PPP5C: variants seen among roughly 807,000 people sequenced by gnomAD.
The protein encoded by PPP5C is protein phosphatase 5 catalytic subunit.
PPP5C carries 21 observed loss-of-function variants against 66.7 expected under a neutral mutation model. The ratio of observed to expected loss-of-function variants is 0.31; its 90% CI spans 0.22 to 0.45. PPP5C has a LOEUF of 0.45. PPP5C is among the 20% of genes least tolerant of loss of function. The probability of loss-of-function intolerance (pLI) is 1.00; values close to 1 mark genes in which losing one functional copy is unlikely to be tolerated. For missense variants in PPP5C, 464 were observed against 675.9 expected (o/e 0.69, Z 3.48); for synonymous variants, 246 against 257.4 (o/e 0.96, Z 0.43).
intron 2 of PPP5C, among the ~76,000 whole-genome samples, chr19:46,356,324 T>C (rs1480663503): frequency 6.6e-6 from 1 of 152,246 alleles, no homozygotes; most frequent in African/African-American, 2.4e-5. Context: ...CCTTGCTCCT[T>C]TCTGCGCAGT....
chr19:46,389,983 T>C, intron 11 of PPP5C, 68 bp from the exon 12 acceptor site: 4 of 1,451,470 alleles, frequency 2.8e-6, no homozygotes, highest in Non-Finnish European at 1.9e-6. Flanking sequence ...GCCCAGCCAT[T>C]CCTTCTCTTA....
At chr19:46,368,096 A>T (rs1601425962) in intron 2 of PPP5C, among the ~76,000 whole-genome samples, 1 of 152,322 alleles carries the variant, frequency 6.6e-6, no homozygotes, top group East Asian at 1.9e-4. Flanking sequence ...GAAAATTGTA[A>T]ATCAAAACAG....
chr19:46,388,669 C>T lies in PPP5C; in HGVS notation c.1293C>T (p.Ala431=), dbSNP rs371738120. 10 of 1,614,152 alleles carry T rather than the reference C, an allele frequency of 6.2e-6. No individual in the cohort carries two copies. The highest frequency in any genetic ancestry group is 1.3e-5 in the African/African-American group (1 of 75,036). ...DYIIRSHEVK[A]EGYEVAHGGR... ...TCATCCGCAGCCACGAAGTCAAGGC[C>T]GAGGGCTACGAGGTGGCTCACGGAG... Residue 431 remains alanine, a synonymous_variant, in exon 11 of 13, where the codon GCC becomes GCT. Transcript: ENST00000012443. The surrounding 1 kb of genome is among the most constrained non-coding windows in gnomAD (Gnocchi z 4.9).
At chr19:46,350,012 TGGGGTGGGGTGGCGGTGG>T (rs1972154843) in intron 1 of PPP5C, among the ~76,000 whole-genome samples, 1 of 31,630 alleles carries the variant, frequency 3.2e-5, no homozygotes, top group South Asian at 1.0e-3. Context: ...CAGGGCTTTC[TGGGGTGGGGTGGCGGTGG>T]GGGGTGGGGC....
At chr19:46,385,253 G>C (rs1972861909) in intron 7 of PPP5C, among the ~76,000 whole-genome samples, 1 of 152,196 alleles carries the variant, frequency 6.6e-6, no homozygotes, top group Non-Finnish European at 1.5e-5. Flanking sequence ...TGAGTGAACA[G>C]ACCAGGGCTC....
At chr19:46,371,404 G>A (rs1245070811) in intron 2 of PPP5C, among the ~76,000 whole-genome samples, 1 of 152,190 alleles carries the variant, frequency 6.6e-6, no homozygotes, top group Non-Finnish European at 1.5e-5. Flanking sequence ...CCAGGGCCCA[G>A]GGTGTGACCT....
intron 2 of PPP5C, among the ~76,000 whole-genome samples, chr19:46,358,182 T>A (rs1276053189): frequency 6.6e-6 from 1 of 152,216 alleles, no homozygotes; most frequent in African/African-American, 2.4e-5. Flanking sequence ...ATAGTACCAC[T>A]GGCCACCCGT....
chr19:46,363,307 CAAAAAAAAAAAA>C (rs1158423038), intron 2 of PPP5C, among the ~76,000 whole-genome samples: 18 of 27,928 alleles, frequency 6.4e-4, no homozygotes, highest in African/African-American at 2.4e-3. Context: ...GACTCCATCT[CAAAAAAAAAAAA>C]AAAAAAAAAA....
At chr19:46,378,045 C>T (rs1294166342) in intron 4 of PPP5C, among the ~76,000 whole-genome samples, 1 of 152,184 alleles carries the variant, frequency 6.6e-6, no homozygotes, top group Non-Finnish European at 1.5e-5. Context: ...ATTCTCTATG[C>T]ATGCTTGAGG....
chr19:46,383,716 C>T lies in PPP5C; in HGVS notation c.700-64C>T. 7.4e-7 allele frequency: 1 copy of T among 1,352,970 alleles called. No individual in the cohort carries two copies. 83.8% of individuals were successfully genotyped at this position (1,352,970 alleles called of 1,614,324 possible). On this transcript the variant is annotated intron_variant, in intron 5 of 12. Coordinates refer to ENST00000012443, the MANE Select transcript of PPP5C (RefSeq NM_006247.4). The surrounding 1 kb of genome is among the most constrained non-coding windows in gnomAD (Gnocchi z 5.0). ...CTGTGAACTCTTACCCTTCCCCTCA[C>T]CTCTGCCCCCTCCCCACGTCTCTCT...
chr19:46,383,136 T>G lies in PPP5C; in HGVS notation c.634-275T>G. 7.2e-7 allele frequency: 1 copy of G among 1,383,162 alleles called. No homozygotes were observed. The highest frequency in any genetic ancestry group is 9.5e-7 in the Non-Finnish European group (1 of 1,054,022). 85.7% of individuals were successfully genotyped at this position (1,383,162 alleles called of 1,614,324 possible). A position where few individuals can be genotyped will look rare whatever the true frequency, so the allele number is the denominator to read the frequency against. The stretch of plus-strand genomic sequence containing the variant: ...CTACGATCTGGATTCATGCATGTAT[T>G]TCCACTTGATGCTGAGTATTTTAAG... On this transcript the variant is annotated intron_variant, in intron 4 of 12. Transcript: ENST00000012443. The surrounding 1 kb of genome is among the most constrained non-coding windows in gnomAD (Gnocchi z 5.0).
chr19:46,384,471 T>A, intron 6 of PPP5C: 1 of 308,252 alleles, frequency 3.2e-6, no homozygotes, highest in Non-Finnish European at 6.3e-6. Flanking sequence ...ATCTCCCCCA[T>A]GGCTCCAGGC....
In PPP5C at chr19:46,375,652, G is replaced by A; in HGVS notation, c.412G>A (p.Glu138Lys). Reference sequence around the variant, plus strand: ...CAAGGATGCCAAAATGAAATACCAGGAGTGCAACAAGATCGTGAAGCAGAA... The same window carrying A: ...CAAGGATGCCAAAATGAAATACCAGAAGTGCAACAAGATCGTGAAGCAGAA... ...HDKDAKMKYQECNKIVKQKAF... is the reference protein window; with the variant it reads ...HDKDAKMKYQKCNKIVKQKAF... Residue 138 changes from glutamate (E) to lysine (K), a missense_variant, in exon 3 of 13, where the codon GAG (glutamate) becomes AAG (lysine). By Grantham distance (56) the Glu-to-Lys change is moderately conservative. Transcript: ENST00000012443. 6 of 1,614,092 alleles carry A rather than the reference G, an allele frequency of 3.7e-6. No homozygotes were observed. The highest frequency in any genetic ancestry group is 5.1e-6 in the Non-Finnish European group (6 of 1,179,976).
At chr19:46,389,403 A>AGAGTGTTGATCC (rs1568579885) in intron 11 of PPP5C, among the ~76,000 whole-genome samples, 3 of 26,068 alleles carry the variant, frequency 1.2e-4, no homozygotes, top group Non-Finnish European at 3.0e-4. Flanking sequence ...ACACACACAC[A>AGAGTGTTGATCC]CACACACACA....
intron 4 of PPP5C, among the ~76,000 whole-genome samples, chr19:46,379,978 T>G (rs1972762492): frequency 6.6e-6 from 1 of 152,198 alleles, no homozygotes. Flanking sequence ...CTATTCTACT[T>G]TCAAATAATA....
Position 46,376,369 on chromosome 19 carries a change from T to A in PPP5C, c.512-84T>A, listed in dbSNP as rs1284655221. The A allele has an allele frequency of 3.9e-6, 6 of 1,546,006 alleles. No homozygotes were observed. The highest frequency in any genetic ancestry group is 5.3e-6 in the Non-Finnish European group (6 of 1,135,582). On this transcript the variant is annotated intron_variant, in intron 3 of 12. Transcript: ENST00000012443. The surrounding 1 kb of genome is among the most constrained non-coding windows in gnomAD (Gnocchi z 5.1). ...CGACCTGTGTGTCCACACCCAAGTT[T>A]TCCCCATCCCTGGGAGCGAGACCCC...
chr19:46,374,489 C>T (rs1209532722), intron 2 of PPP5C, among the ~76,000 whole-genome samples: 1 of 152,192 alleles, frequency 6.6e-6, no homozygotes, highest in Non-Finnish European at 1.5e-5. Flanking sequence ...CCCAAAGTCA[C>T]ATGGCAAGTA....
At chr19:46,366,843 T>G (rs764756361) in intron 2 of PPP5C, among the ~76,000 whole-genome samples, 1 of 152,222 alleles carries the variant, frequency 6.6e-6, no homozygotes, top group Admixed American at 6.5e-5. Flanking sequence ...AGTACTTCTC[T>G]TAAGTGAGAA....
intron 2 of PPP5C, among the ~76,000 whole-genome samples, chr19:46,371,384 C>A (rs757332886): frequency 7.2e-5 from 11 of 152,174 alleles, no homozygotes; most frequent in Non-Finnish European, 1.6e-4. Flanking sequence ...ACTATTTCAT[C>A]CAGCGCTCGC....
Sources: allele counts gnomAD v4.1 joint callset (sites outside exome capture counted in the v4.1 genomes callset), GRCh38; gene constraint gnomAD v4.1.1; non-coding constraint Gnocchi (gnomAD v3.1); transcripts MANE v1.5; gene names NCBI Gene and HGNC (gene_info 2026-07-23, HGNC 2026-07-21).